The following PLXNC1 variants were observed in gnomAD, a reference collection of about 807,000 sequenced individuals.
The protein encoded by PLXNC1 is plexin C1, also known as plexin-C1.
A neutral mutation model predicts 178.2 loss-of-function variants in PLXNC1; 75 were observed. The observed-to-expected ratio is 0.42, with a 90% CI of 0.35 to 0.51. PLXNC1 has a LOEUF of 0.51. PLXNC1 is among the 20% of genes least tolerant of loss of function. The pLI is 0.02. For synonymous variants in PLXNC1, 790 were observed against 779.9 expected, an observed-to-expected ratio of 1.01 and a Z score of -0.22; for missense variants, 1,503 against 1,984.4, an observed-to-expected ratio of 0.76 and a Z score of 4.61.
intron 4 of PLXNC1, among the ~76,000 whole-genome samples, chr12:94,202,332 A>G (rs1488123977): frequency 6.6e-6 from 1 of 152,208 alleles, no homozygotes; most frequent in Admixed American, 6.5e-5. Flanking sequence ...AGTGTTTGGC[A>G]TCTGATGGGC....
At chr12:94,291,971 T>C (rs1334130305) in intron 23 of PLXNC1, among the ~76,000 whole-genome samples, 1 of 152,198 alleles carries the variant, frequency 6.6e-6, no homozygotes, top group Non-Finnish European at 1.5e-5. Context: ...TTCATATCAA[T>C]AGGACCATAC....
intron 4 of PLXNC1, among the ~76,000 whole-genome samples, chr12:94,189,550 T>C (rs1049738312): frequency 6.6e-6 from 1 of 152,048 alleles, no homozygotes; most frequent in African/African-American, 2.4e-5. Context: ...TGTGGTGGTA[T>C]GTGCTTCTGG....
chr12:94,266,468 C>T (rs936702489), intron 21 of PLXNC1, among the ~76,000 whole-genome samples: 4 of 152,240 alleles, frequency 2.6e-5, no homozygotes, highest in African/African-American at 9.6e-5. Context: ...GCCCAGAAAG[C>T]TCACTAAACA....
chr12:94,289,749 C>A (rs976952419), intron 23 of PLXNC1, among the ~76,000 whole-genome samples: 1 of 152,202 alleles, frequency 6.6e-6, no homozygotes, highest in Non-Finnish European at 1.5e-5. Context: ...TGTAAATAAA[C>A]TATTTTTCTG....
chr12:94,149,505 G>C lies in PLXNC1; in HGVS notation c.534G>C (p.Ala178=). 1 of 1,533,638 alleles carries C rather than the reference G, an allele frequency of 6.5e-7. No individual in the cohort carries two copies. The highest frequency in any genetic ancestry group is 8.7e-7 in the Non-Finnish European group (1 of 1,145,718). Residue 178 remains alanine, a synonymous_variant, in exon 1 of 31, where the codon GCG becomes GCC. Transcript: ENST00000258526. Reference sequence around the variant, plus strand: ...GCCGGAACAACCGCTGGTACCTGGCGGTGGCCGCCACCTACGTGCTGCCTG... The same window carrying C: ...GCCGGAACAACCGCTGGTACCTGGCCGTGGCCGCCACCTACGTGCTGCCTG... The part of the protein sequence containing the change: ...RAGRNNRWYL[A]VAATYVLPEP...
intron 9 of PLXNC1, among the ~76,000 whole-genome samples, chr12:94,228,723 G>A (rs1041388994): frequency 2.6e-5 from 4 of 152,130 alleles, no homozygotes; most frequent in Admixed American, 1.3e-4. Context: ...GTGGTCGCAT[G>A]GGTCAGAATT....
intron 1 of PLXNC1, among the ~76,000 whole-genome samples, chr12:94,153,590 T>C (rs1306015453): frequency 6.6e-6 from 1 of 152,242 alleles, no homozygotes; most frequent in East Asian, 1.9e-4. Flanking sequence ...TGCTCCAGAC[T>C]TGTTTGGCCA....
At chr12:94,273,204 C>T (rs1373921695) in intron 21 of PLXNC1, among the ~76,000 whole-genome samples, 2 of 152,206 alleles carry the variant, frequency 1.3e-5, no homozygotes, top group African/African-American at 4.8e-5. Flanking sequence ...CTTATTATTA[C>T]AAATCTAGAA....
chr12:94,195,326 C>G (rs967455284), intron 4 of PLXNC1, among the ~76,000 whole-genome samples: 11 of 152,192 alleles, frequency 7.2e-5, no homozygotes, highest in African/African-American at 1.4e-4. Flanking sequence ...TATGTCACAT[C>G]TCGTCCTGAG....
intron 21 of PLXNC1, chr12:94,272,432 T>TA (rs1965628218): frequency 6.6e-6 from 1 of 152,280 alleles, no homozygotes; most frequent in Non-Finnish European, 1.5e-5. Flanking sequence ...AAGTGCCACA[T>TA]AACATATCCA....
intron 1 of PLXNC1, among the ~76,000 whole-genome samples, 182 bp downstream of exon 1, chr12:94,150,215 C>G (rs1336318973): frequency 3.3e-5 from 5 of 152,160 alleles, no homozygotes; most frequent in Non-Finnish European, 7.3e-5. Context: ...TCCCCGAGAC[C>G]TGGAGCACGG....
At chr12:94,279,362 A>G (rs1314258924) in intron 21 of PLXNC1, 110 bp from the exon 22 acceptor site, 2 of 784,676 alleles carry the variant, frequency 2.5e-6, no homozygotes, top group Non-Finnish European at 4.2e-6. Context: ...GTGTTTGCTA[A>G]TGTGCTGTCA....
chr12:94,281,833 A>T (rs560179168), intron 22 of PLXNC1: 1 of 157,980 alleles, frequency 6.3e-6, no homozygotes, highest in South Asian at 1.8e-4. Flanking sequence ...CCACATGCTC[A>T]CCTAGGCATA....
chr12:94,179,711 A>G (rs1365809047), intron 2 of PLXNC1, among the ~76,000 whole-genome samples: 2 of 144,538 alleles, frequency 1.4e-5, no homozygotes, highest in Non-Finnish European at 3.0e-5. Flanking sequence ...ACTGCACTCC[A>G]GTCTGGGCGA....
intron 16 of PLXNC1, 35 bp downstream of exon 16, chr12:94,254,923 C>T (rs576430699): frequency 1.4e-6 from 2 of 1,479,060 alleles, no homozygotes; most frequent in Non-Finnish European, 9.3e-7. Context: ...GAAAAACAAG[C>T]CTTTTATATT....
At chr12:94,171,496 G>A (rs1483138285) in intron 2 of PLXNC1, among the ~76,000 whole-genome samples, 1 of 152,178 alleles carries the variant, frequency 6.6e-6, no homozygotes, top group Non-Finnish European at 1.5e-5. Context: ...AGGGAATCGA[G>A]GCCCAGAGAA....
chr12:94,150,048 C>T lies in PLXNC1; in HGVS notation c.1062+15C>T, dbSNP rs751685184. 4.5e-5 allele frequency: 70 copies of T among 1,541,048 alleles called. No individual in the cohort carries two copies. The African/African-American group carries it at 9.6e-4, about 21-fold the overall frequency. ...AGAGCCACTGCGTAAGTCCTGCCCC[C>T]GGGGCGCCGCGGAGAGCGCTGCTGC... On this transcript the variant is annotated intron_variant, in intron 1 of 30. Coordinates refer to ENST00000258526, the MANE Select transcript of PLXNC1 (RefSeq NM_005761.3).
chr12:94,223,252 A>AAAAT (rs908395128), intron 6 of PLXNC1, among the ~76,000 whole-genome samples: 1 of 152,220 alleles, frequency 6.6e-6, no homozygotes, highest in Non-Finnish European at 1.5e-5. Context: ...CGTCTCAACT[A>AAAAT]AAATAAATAA....
intron 28 of PLXNC1, 52 bp downstream of exon 28, chr12:94,301,109 C>T (rs779103781): frequency 2.0e-6 from 3 of 1,528,332 alleles, no homozygotes; most frequent in Non-Finnish European, 9.0e-7. Flanking sequence ...GTTTGACATA[C>T]TTGTCTTTCT....
Sources: gnomAD v4.1 joint callset for allele counts (sites outside exome capture counted in the v4.1 genomes callset) on GRCh38, gnomAD v4.1.1 for gene constraint, MANE v1.5 for transcripts, NCBI Gene and HGNC (gene_info 2026-07-23, HGNC 2026-07-21) for gene names.